Variants in ENPP3 observed in about 807,000 individuals in gnomAD.
ENPP3 encodes ectonucleotide pyrophosphatase/phosphodiesterase family member 3.
In ENPP3, 104 loss-of-function variants were observed where a neutral mutation model predicts 117.8. The ratio of observed to expected loss-of-function variants is 0.88; its 90% confidence interval spans 0.75 to 1.04. The LOEUF (loss-of-function observed/expected upper bound fraction) is 1.04, where lower values mean the gene tolerates loss of function less well. ENPP3 is among the 50% of genes least tolerant of loss of function. The pLI is 0.00. For missense variants in ENPP3, 1,026 were observed against 1,051.9 expected, an observed-to-expected ratio of 0.98 and a Z score of 0.34; for synonymous variants, 380 against 349.9, an observed-to-expected ratio of 1.09 and a Z score of -0.96.
chr6:131,652,739 C>T, intron 4 of ENPP3, 72 bp downstream of exon 4: 1 of 1,601,464 alleles, frequency 6.2e-7, no homozygotes, highest in South Asian at 1.1e-5. Context: ...TAGAGCCATG[C>T]TAGGCTGCAA....
chr6:131,684,924 A>G (rs1298988745), intron 12 of ENPP3, among the ~76,000 whole-genome samples: 2 of 151,670 alleles, frequency 1.3e-5, no homozygotes, highest in Middle Eastern at 3.2e-3. Flanking sequence ...AAATGGGACT[A>G]TAGGGGCATG....
At chr6:131,722,435 A>G in intron 18 of ENPP3, 30 bp downstream of exon 18, 1 of 1,591,996 alleles carries the variant, frequency 6.3e-7, no homozygotes, top group African/African-American at 1.3e-5. Flanking sequence ...ATCCATAAGA[A>G]CGTAAAGGGG....
chr6:131,732,087 G>A (rs1263347643), intron 20 of ENPP3, among the ~76,000 whole-genome samples: 1 of 152,166 alleles, frequency 6.6e-6, no homozygotes, highest in Non-Finnish European at 1.5e-5. Flanking sequence ...AGAGGTTTCA[G>A]ACAACATAGC....
At chr6:131,683,993 C>T (rs1402437373) in intron 12 of ENPP3, among the ~76,000 whole-genome samples, 5 of 152,056 alleles carry the variant, frequency 3.3e-5, no homozygotes, top group Non-Finnish European at 7.4e-5. Flanking sequence ...CTTTGTGATC[C>T]GCCCACCTCG....
chr6:131,739,807 A>T lies in ENPP3; in HGVS notation c.2301-417A>T, dbSNP rs1183146379. ...ATTTATTGGCCTGGTGCAGTGGCTC[A>T]CGCCTGTCATGCCAACACGTTGAGA... On this transcript the variant is annotated intron_variant, in intron 23 of 24. Transcript: ENST00000357639. 3.3e-5 allele frequency among the ~76,000 whole-genome samples: 5 copies of T among 151,858 alleles called. No individual in the cohort carries two copies. In the South Asian group the frequency reaches 8.3e-4, roughly 25 times the overall value.
chr6:131,684,733 G>A (rs551655378), intron 12 of ENPP3, among the ~76,000 whole-genome samples: 2 of 151,592 alleles, frequency 1.3e-5, no homozygotes, highest in Non-Finnish European at 2.9e-5. Flanking sequence ...AAATAAAAAA[G>A]GTTAACTACC....
At chr6:131,738,423 A>C (rs900760307) in intron 23 of ENPP3, among the ~76,000 whole-genome samples, 10 of 152,168 alleles carry the variant, frequency 6.6e-5, no homozygotes, top group African/African-American at 2.2e-4. Flanking sequence ...GGGCAAAGAT[A>C]ACATGAAATT....
In ENPP3 at chr6:131,685,344, A is replaced by T; in HGVS notation, c.1121-20A>T. The T allele has an allele frequency of 1.3e-6, 2 of 1,594,326 alleles. No homozygotes were observed. Among genetic ancestry groups the T allele is most frequent in the Middle Eastern group, 1.7e-4 (1 of 5,994 alleles). ...ATTTATATACATTCAGTGGGTTATT[A>T]TGATTATTTTTTTATTCAGGAATGG... On this transcript the variant is annotated intron_variant, in intron 12 of 24. Coordinates refer to ENST00000357639, the MANE Select transcript of ENPP3 (RefSeq NM_005021.5).
At chr6:131,710,623 C>T in intron 15 of ENPP3, 2 of 1,613,416 alleles carry the variant, frequency 1.2e-6, no homozygotes, top group Non-Finnish European at 1.7e-6. Context: ...CAGCTTTTCA[C>T]AGGTTGCCTC....
chr6:131,687,859 TC>T (rs1181410484), intron 14 of ENPP3, among the ~76,000 whole-genome samples: 2 of 152,324 alleles, frequency 1.3e-5, no homozygotes, highest in Non-Finnish European at 2.9e-5. Context: ...TACATGAAAT[TC>T]ATGACTTCAC....
intron 20 of ENPP3, among the ~76,000 whole-genome samples, chr6:131,727,621 C>A (rs937970906): frequency 6.7e-6 from 1 of 149,426 alleles, no homozygotes; most frequent in East Asian, 2.0e-4. Flanking sequence ...AGTCCAAACA[C>A]TTCTCTGGGG....
At chr6:131,684,786 C>G (rs952315108) in intron 12 of ENPP3, among the ~76,000 whole-genome samples, 3 of 151,918 alleles carry the variant, frequency 2.0e-5, no homozygotes, top group African/African-American at 7.3e-5. Flanking sequence ...ATTTAAATTA[C>G]TTTATACTTT....
At chr6:131,732,487 ACTGCAACCTCCACCTCCCAGGTT>A (rs1780302251) in intron 20 of ENPP3, among the ~76,000 whole-genome samples, 1 of 152,058 alleles carries the variant, frequency 6.6e-6, no homozygotes. Flanking sequence ...ATCTCAGCTG[ACTGCAACCTCCACCTCCCAGGTT>A]CAAGCAATTC....
intron 6 of ENPP3, among the ~76,000 whole-genome samples, chr6:131,670,981 T>C (rs1387270659): frequency 6.6e-6 from 1 of 152,162 alleles, no homozygotes; most frequent in African/African-American, 2.4e-5. Context: ...ACAAAGACCA[T>C]ATAGCTTTGC....
chr6:131,647,231 A>G (rs922139266), intron 2 of ENPP3, among the ~76,000 whole-genome samples: 3 of 152,226 alleles, frequency 2.0e-5, no homozygotes, highest in Non-Finnish European at 2.9e-5. Context: ...GCTGTTTTCA[A>G]ATAATAACGT....
chr6:131,674,139 C>CT, intron 7 of ENPP3, 23 bp from the exon 8 acceptor site: 4 of 1,421,224 alleles, frequency 2.8e-6, no homozygotes, highest in South Asian at 1.2e-5. Context: ...TATCTTACAT[C>CT]TTTTTTGAAA....
At chr6:131,729,404 T>C (rs1022147748) in intron 20 of ENPP3, among the ~76,000 whole-genome samples, 4 of 152,208 alleles carry the variant, frequency 2.6e-5, no homozygotes, top group African/African-American at 9.6e-5. Flanking sequence ...TCAATAGAAA[T>C]AATTTTATCC....
intron 18 of ENPP3, among the ~76,000 whole-genome samples, chr6:131,723,568 T>C (rs764883374): frequency 5.3e-5 from 8 of 152,198 alleles, no homozygotes; most frequent in Non-Finnish European, 1.0e-4. Context: ...CCTCTTGCTA[T>C]TCAGAGTGTG....
intron 24 of ENPP3, among the ~76,000 whole-genome samples, chr6:131,745,569 C>G (rs1051554814): frequency 6.6e-6 from 1 of 151,332 alleles, no homozygotes; most frequent in African/African-American, 2.4e-5. Context: ...TCATAGAAAC[C>G]CATGTTTCTA....
Sources: allele counts gnomAD v4.1 joint callset (sites outside exome capture counted in the v4.1 genomes callset), GRCh38; gene constraint gnomAD v4.1.1; transcripts MANE v1.5; gene names NCBI Gene and HGNC (gene_info 2026-07-23, HGNC 2026-07-21).